The following QNG1 variants were observed in gnomAD, a reference collection of about 807,000 sequenced individuals.
The protein encoded by QNG1 is queuosine 5'-phosphate N-glycosylase/hydrolase.
chr9:83,944,551 T>C, the QNG1 span, among the ~76,000 whole-genome samples: 3 of 152,224 alleles, frequency 2.0e-5, no homozygotes, highest in Non-Finnish European at 4.4e-5. Context: ...TAAATTTAGG[T>C]TTCATTAGGC....
At chr9:83,939,761 A>G in the QNG1 span, 2 of 1,572,414 alleles carry the variant, frequency 1.3e-6, no homozygotes, top group South Asian at 2.2e-5. Flanking sequence ...GGGGAAAAGC[A>G]GTAAGAAAAA....
chr9:83,941,601 A>G, the QNG1 span, among the ~76,000 whole-genome samples: 21 of 152,194 alleles, frequency 1.4e-4, no homozygotes, highest in Non-Finnish European at 3.1e-4. Flanking sequence ...TAAACAAAAA[A>G]GAAAGCAAGC....
At chr9:83,954,917 CG>C in the QNG1 span, among the ~76,000 whole-genome samples, 3 of 143,604 alleles carry the variant, frequency 2.1e-5, no homozygotes, top group South Asian at 4.4e-4. Flanking sequence ...AAAGAAATGA[CG>C]CCAGCGTGGT....
the QNG1 span, among the ~76,000 whole-genome samples, chr9:83,945,966 G>A: frequency 1.3e-5 from 2 of 151,964 alleles, no homozygotes; most frequent in African/African-American, 2.4e-5. Flanking sequence ...ATTAAAACAC[G>A]TCTGTTTTTC....
At chr9:83,948,569 C>G in the QNG1 span, among the ~76,000 whole-genome samples, 10 of 152,106 alleles carry the variant, frequency 6.6e-5, no homozygotes, top group Non-Finnish European at 1.3e-4. Flanking sequence ...CCCTTCTGCC[C>G]GGCCGCCACC....
At chr9:83,939,483 T>C in the QNG1 span, 4 of 1,475,700 alleles carry the variant, frequency 2.7e-6, no homozygotes, top group Non-Finnish European at 3.8e-6. Flanking sequence ...ACGCAGGGGG[T>C]TTTCTTTGGA....
chr9:83,956,518 G>T, the QNG1 span: 2 of 1,515,538 alleles, frequency 1.3e-6, no homozygotes, highest in Non-Finnish European at 1.8e-6. Flanking sequence ...TTTGGGACCC[G>T]GCGGGCCAAA....
chr9:83,943,566 G>A, the QNG1 span, among the ~76,000 whole-genome samples: 1 of 152,148 alleles, frequency 6.6e-6, no homozygotes, highest in Non-Finnish European at 1.5e-5. Flanking sequence ...TTTTTCAAAT[G>A]AGGAAATGGA....
At chr9:83,944,752 A>G in the QNG1 span, 4 of 1,471,822 alleles carry the variant, frequency 2.7e-6, no homozygotes, top group Admixed American at 4.2e-5. Flanking sequence ...ACCGAGATCC[A>G]ACAATTCATA....
the QNG1 span, chr9:83,956,540 C>A: frequency 2.7e-6 from 4 of 1,492,796 alleles, no homozygotes; most frequent in African/African-American, 2.8e-5. Flanking sequence ...TCTTCCCGCC[C>A]TAGGCGGGTC....
At chr9:83,948,354 C>T in the QNG1 span, among the ~76,000 whole-genome samples, 7 of 150,682 alleles carry the variant, frequency 4.6e-5, no homozygotes, top group East Asian at 6.0e-4. Context: ...GGTCTCCGCC[C>T]GGCAGCCGCC....
the QNG1 span, chr9:83,953,544 C>T: frequency 5.9e-6 from 2 of 338,874 alleles, no homozygotes; most frequent in African/African-American, 2.2e-5. Context: ...GACGGGGTTT[C>T]ACCACGTTGG....
At chr9:83,950,841 T>C in the QNG1 span, among the ~76,000 whole-genome samples, 2 of 152,070 alleles carry the variant, frequency 1.3e-5, no homozygotes, top group Non-Finnish European at 2.9e-5. Flanking sequence ...GCTCAAGTGA[T>C]CCACCCACCT....
the QNG1 span, among the ~76,000 whole-genome samples, chr9:83,953,497 A>G: frequency 1.3e-5 from 2 of 150,414 alleles, no homozygotes; most frequent in African/African-American, 4.9e-5. Flanking sequence ...ACAGGCACCC[A>G]CCACCACACC....
the QNG1 span, among the ~76,000 whole-genome samples, chr9:83,951,716 T>C: frequency 6.6e-6 from 1 of 152,226 alleles, no homozygotes; most frequent in East Asian, 1.9e-4. Flanking sequence ...AGTTACTGCA[T>C]TACTCTAAAT....
the QNG1 span, among the ~76,000 whole-genome samples, chr9:83,943,885 G>A: frequency 6.6e-6 from 1 of 152,080 alleles, no homozygotes; most frequent in African/African-American, 2.4e-5. Context: ...GCTAGGTGTG[G>A]TGGCGGGCGC....
chr9:83,956,766 C>T, the QNG1 span: 2 of 382,864 alleles, frequency 5.2e-6, no homozygotes, highest in African/African-American at 4.2e-5. Context: ...CGTTCACGCC[C>T]TCTCGGGCGC....
At chr9:83,950,403 T>A in the QNG1 span, among the ~76,000 whole-genome samples, 1 of 152,150 alleles carries the variant, frequency 6.6e-6, no homozygotes, top group Admixed American at 6.6e-5. Context: ...ATCAAATGAT[T>A]TTTGTAATCA....
chr9:83,940,471 A>G, the QNG1 span, among the ~76,000 whole-genome samples: 1 of 152,074 alleles, frequency 6.6e-6, no homozygotes, highest in South Asian at 2.1e-4. Flanking sequence ...ATAAATATTT[A>G]TTTTGGGAAT....
Sources: allele counts gnomAD v4.1 joint callset (sites outside exome capture counted in the v4.1 genomes callset), GRCh38; gene constraint gnomAD v4.1.1; transcripts MANE v1.5; gene names NCBI Gene and HGNC (gene_info 2026-07-23, HGNC 2026-07-21).